The following CDC14C variants were observed in gnomAD, a reference collection of about 807,000 sequenced individuals.
The protein encoded by CDC14C is dual specificity protein phosphatase CDC14C.
CDC14C carries 19 observed loss-of-function variants against 26.9 expected under a neutral mutation model. That is an observed-to-expected ratio of 0.71 (90% CI 0.49 to 1.04). CDC14C has a LOEUF of 1.04. Ranked by LOEUF, CDC14C falls within the 50% of genes least tolerant of loss-of-function variation. The pLI is 0.00. For missense variants in CDC14C, 423 were observed against 520.0 expected, an observed-to-expected ratio of 0.81 and a Z score of 1.81; for synonymous variants, 185 against 180.1, an observed-to-expected ratio of 1.03 and a Z score of -0.22.
rs886409989 is a variant in CDC14C at position 48,926,595 on chromosome 7, G to A, written c.*579G>A. On this transcript the variant is annotated 3_prime_UTR_variant, in exon 1 of 1. Transcript: ENST00000650262. ...GGAGCACGTCCTTAAGGCACAGATG[G>A]CTCATGCTATTGTTTGTGGCTTAAG... Among the ~76,000 whole-genome samples the A allele has an allele frequency of 7.2e-5, 11 of 152,118 alleles. No homozygotes were observed. The highest frequency in any genetic ancestry group is 2.4e-4 in the African/African-American group (10 of 41,426).
Position 48,926,731 on chromosome 7 carries a change from G to T in CDC14C, c.*715G>T, listed in dbSNP as rs1455191693. Among the ~76,000 whole-genome samples, 1 of 151,978 alleles carries T rather than the reference G, an allele frequency of 6.6e-6. No individual in the cohort carries two copies. Among genetic ancestry groups the T allele is most frequent in the Non-Finnish European group, 1.5e-5 (1 of 68,026 alleles). ...TGGGCATTAGGGCCATTATGAACAT[G>T]TTACAGTGCTGCAGAGATTTTATTT... On this transcript the variant is annotated 3_prime_UTR_variant, in exon 1 of 1. Coordinates refer to ENST00000650262, the MANE Select transcript of CDC14C (RefSeq NM_152627.3).
rs1798846455 is a variant in CDC14C at position 48,924,555 on chromosome 7, T to C, written c.-118T>C. 7 of 664,308 alleles carry C rather than the reference T, an allele frequency of 1.1e-5. No individual in the cohort carries two copies. The East Asian group carries it at 1.4e-4, about 13-fold the overall frequency. 41.2% of individuals were successfully genotyped at this position (664,308 alleles called of 1,614,324 possible). On this transcript the variant is annotated 5_prime_UTR_variant, in exon 1 of 1. Transcript: ENST00000650262. ...GCGGCGCGCGCGGGGCCGTGGTCGT[T>C]GCTCCCTGACTGGCCGCGGCGGCCT... is the stretch of plus-strand genomic sequence containing the variant.
In CDC14C at chr7:48,925,137, A is replaced by C. The variant is rs762491927; in HGVS notation, c.465A>C (p.Ala155=). 8.4e-6 allele frequency: 13 copies of C among 1,541,248 alleles called. No homozygotes were observed. The Admixed American group carries it at 1.5e-4, about 18-fold the overall frequency. Residue 155 remains alanine (A), a synonymous_variant, in exon 1 of 1, where the codon GCA becomes GCC. Coordinates refer to ENST00000650262, the MANE Select transcript of CDC14C (RefSeq NM_152627.3). ...TTACACTTCTTGACTGTTTTCATGC[A>C]GTAAAGAAGGCAATGCAGTATGGCT... is the stretch of plus-strand genomic sequence containing the variant. ...FYITLLDCFH[A]VKKAMQYGFL...
chr7:48,925,440 G>T lies in CDC14C; in HGVS notation c.768G>T (p.Ala256=), dbSNP rs371246223. The change falls in exon 1 of 1, where the codon GCG becomes GCT. Residue 256 remains alanine, a synonymous_variant. Coordinates refer to ENST00000650262, the MANE Select transcript of CDC14C (RefSeq NM_152627.3). ...TCGATCACCATGATCTTTTCTTTGC[G>T]GATGGCAGCACCCCTACTGATGCCA... ...AGFDHHDLFF[A]DGSTPTDAIV... is the part of the protein sequence containing the mutation. 1 of 1,607,432 alleles carries T rather than the reference G, an allele frequency of 6.2e-7. No individual in the cohort carries two copies. The highest frequency in any genetic ancestry group is 8.5e-7 in the Non-Finnish European group (1 of 1,174,906).
Position 48,925,297 on chromosome 7 carries a change from G to T in CDC14C, c.625G>T (p.Gly209Cys). Residue 209 changes from glycine to cysteine, a missense_variant, in exon 1 of 1, where the codon GGT becomes TGT. Physicochemically the swap from Gly to Cys is radical, Grantham distance 159. Coordinates refer to ENST00000650262, the MANE Select transcript of CDC14C (RefSeq NM_152627.3). ...TCATTCAAGAGCCAGACTTGAAAGT[G>T]GTTACCACCAACATTCTCCCGAGAC... ...GPHSRARLESGYHQHSPETYI... is the reference protein window; with the variant it reads ...GPHSRARLESCYHQHSPETYI... The T allele has an allele frequency of 1.2e-6, 2 of 1,604,394 alleles. No individual in the cohort carries two copies. Among genetic ancestry groups the T allele is most frequent in the African/African-American group, 1.3e-5 (1 of 74,844 alleles).
chr7:48,924,694 G>A lies in CDC14C; in HGVS notation c.22G>A (p.Asp8Asn), dbSNP rs778121018. 4.2e-6 allele frequency: 5 copies of A among 1,188,754 alleles called. No homozygotes were observed. Among genetic ancestry groups the A allele is most frequent in the Non-Finnish European group, 5.0e-6 (4 of 792,216 alleles). The allele number at this position is 1,188,754 out of a possible 1,614,324, so 73.6% of individuals were successfully genotyped here. The change falls in exon 1 of 1, where the codon GAC becomes AAC. Residue 8 changes from aspartate (D) to asparagine (N), a missense_variant. By Grantham distance (23) the Asp-to-Asn change is conservative. Around this residue, in one of 3 missense-constraint regions of CDC14C, gnomAD observed 310 missense variants for 356.8 expected, o/e 0.87. Coordinates refer to ENST00000650262, the MANE Select transcript of CDC14C (RefSeq NM_152627.3). ...GAAGATGCGCAGCTCCACGCTGCAG[G>A]ACCCGCGCCGCCGGGACCCCCAGGA... MRSSTLQ[D>N]PRRRDPQDDV...
At position 48,926,132 on chromosome 7, in the gene CDC14C, G is replaced by A. The variant is rs1209741175; in HGVS notation, c.*116G>A. On this transcript the variant is annotated 3_prime_UTR_variant, in exon 1 of 1. Transcript: ENST00000650262. ...GTAAAAACCTGTGACCAGAACTGAAGGAAGACTCTAGGAACTGAAAACTGC... is the reference window on the plus strand; with the variant it reads ...GTAAAAACCTGTGACCAGAACTGAAAGAAGACTCTAGGAACTGAAAACTGC... 4.5e-6 allele frequency: 3 copies of A among 668,804 alleles called. No homozygotes were observed. In the Admixed American group the frequency reaches 6.6e-5, roughly 15 times the overall value. The allele number at this position is 668,804 out of a possible 1,614,324, so 41.4% of individuals were successfully genotyped here. A position where few individuals can be genotyped will look rare whatever the true frequency, so the allele number is the denominator to read the frequency against.
At position 48,924,901 on chromosome 7, in the gene CDC14C, A is replaced by G. The variant is rs1798858789; in HGVS notation, c.229A>G (p.Lys77Glu). ...VYRYCCKINK[K>E]LKSITMLRKK... is the part of the protein sequence containing the mutation. ...CAGATATTGTTGCAAGATAAATAAG[A>G]AATTAAAGTCCATTACAATGTTAAG... The change falls in exon 1 of 1, where the codon AAA (lysine) becomes GAA (glutamate). Residue 77 changes from lysine (K) to glutamate (E), a missense_variant. Lys to Glu is a moderately conservative substitution (Grantham distance 56, BLOSUM62 1). Around this residue, in one of 3 missense-constraint regions of CDC14C, gnomAD observed 310 missense variants for 356.8 expected, o/e 0.87. Transcript: ENST00000650262. 7.0e-7 allele frequency: 1 copy of G among 1,437,970 alleles called. No individual in the cohort carries two copies. The highest frequency in any genetic ancestry group is 9.8e-7 in the Non-Finnish European group (1 of 1,019,004). The allele number at this position is 1,437,970 out of a possible 1,614,324, so 89.1% of individuals were successfully genotyped here.
chr7:48,926,141 T>C lies in CDC14C; in HGVS notation c.*125T>C, dbSNP rs1798885092. The C allele has an allele frequency of 3.2e-6, 2 of 629,724 alleles. No individual in the cohort carries two copies. Among genetic ancestry groups the C allele is most frequent in the African/African-American group, 3.7e-5 (2 of 54,014 alleles). The allele number at this position is 629,724 out of a possible 1,614,324, so 39.0% of individuals were successfully genotyped here. ...TGTGACCAGAACTGAAGGAAGACTCTAGGAACTGAAAACTGCAACAGAAAT... is the reference window on the plus strand; with the variant it reads ...TGTGACCAGAACTGAAGGAAGACTCCAGGAACTGAAAACTGCAACAGAAAT... On this transcript the variant is annotated 3_prime_UTR_variant, in exon 1 of 1. Transcript: ENST00000650262.
rs1798904120 is a variant in CDC14C at position 48,927,142 on chromosome 7, G to A, written c.*1126G>A. 6.6e-6 allele frequency among the ~76,000 whole-genome samples: 1 copy of A among 152,158 alleles called. No individual in the cohort carries two copies. The highest frequency in any genetic ancestry group is 1.5e-5 in the Non-Finnish European group (1 of 68,040). ...TCTTCACTTGACTGTTTGTAATACT[G>A]TAGTAATATTAACTCTGATAAGTAC... On this transcript the variant is annotated 3_prime_UTR_variant, in exon 1 of 1. Transcript: ENST00000650262.
Position 48,926,209 on chromosome 7 carries a change from T to G in CDC14C, c.*193T>G, listed in dbSNP as rs1322858206. On this transcript the variant is annotated 3_prime_UTR_variant, in exon 1 of 1. Coordinates refer to ENST00000650262, the MANE Select transcript of CDC14C (RefSeq NM_152627.3). ...AAAACAAAATTGCAAAAGACTTAGT[T>G]GCTTTCCACCTAAGAAGCTAATCAA... 7.7e-6 allele frequency among the ~76,000 whole-genome samples: 1 copy of G among 129,764 alleles called. No homozygotes were observed. The highest frequency in any genetic ancestry group is 1.7e-5 in the Non-Finnish European group (1 of 59,848). 85.1% of individuals were successfully genotyped at this position (129,764 alleles called of 152,430 possible).
rs1798894039 is a variant in CDC14C, at chr7:48,926,584, AG to A, written c.*570del. Among the ~76,000 whole-genome samples the A allele has an allele frequency of 6.6e-6, 1 of 152,146 alleles. No individual in the cohort carries two copies. Among genetic ancestry groups the A allele is most frequent in the African/African-American group, 2.4e-5 (1 of 41,450 alleles). ...TAACTGCGGCAGGAGCACGTCCTTA[AG>A]GCACAGATGGCTCATGCTATTGTTT... On this transcript the variant is annotated 3_prime_UTR_variant, in exon 1 of 1. Transcript: ENST00000650262.
rs756017617 is a variant in CDC14C, at chr7:48,925,009, T to C, written c.337T>C (p.Tyr113His). 6.6e-6 allele frequency: 9 copies of C among 1,372,746 alleles called. No homozygotes were observed. Among genetic ancestry groups the C allele is most frequent in the African/African-American group, 5.7e-5 (4 of 70,260 alleles). 85.0% of individuals were successfully genotyped at this position (1,372,746 alleles called of 1,614,324 possible). The part of the protein sequence containing the change: ...AFLVGCYMVI[Y>H]LGRTPEAAYR... The stretch of plus-strand genomic sequence containing the variant: ...CCTTGTTGGATGCTACATGGTTATA[T>C]ACTTGGGGAGAACCCCAGAAGCAGC... Residue 113 changes from tyrosine to histidine, a missense_variant, in exon 1 of 1, where the codon TAC becomes CAC. By Grantham distance (83) the Tyr-to-His change is moderately conservative. This residue lies in a region of CDC14C where 310 missense variants were observed against 356.8 expected (regional missense o/e 0.87). Transcript: ENST00000650262.
In CDC14C at chr7:48,924,765, C is replaced by T. The variant is rs777631398; in HGVS notation, c.93C>T (p.Leu31=). Reference sequence around the variant, plus strand: ...CCGATCGCCTTCGTTTTGCCATTCTCTACAGCAGACCAAAGAGTGCATCAA... The same window carrying T: ...CCGATCGCCTTCGTTTTGCCATTCTTTACAGCAGACCAAAGAGTGCATCAA... The part of the protein sequence containing the change: ...DITDRLRFAI[L]YSRPKSASNV... Residue 31 remains leucine, a synonymous_variant, in exon 1 of 1, where the codon CTC becomes CTT. Transcript: ENST00000650262. The T allele has an allele frequency of 7.0e-7, 1 of 1,432,354 alleles. No homozygotes were observed. The highest frequency in any genetic ancestry group is 2.3e-5 in the East Asian group (1 of 44,058). The allele number at this position is 1,432,354 out of a possible 1,614,324, so 88.7% of individuals were successfully genotyped here.
rs776898432 is a variant in CDC14C, at chr7:48,924,812, A to T, written c.140A>T (p.Asp47Val). 2 of 1,342,226 alleles carry T rather than the reference A, an allele frequency of 1.5e-6. No homozygotes were observed. Among genetic ancestry groups the T allele is most frequent in the Admixed American group, 3.4e-5 (2 of 59,678 alleles). 83.1% of individuals were successfully genotyped at this position (1,342,226 alleles called of 1,614,324 possible). A position where few individuals can be genotyped will look rare whatever the true frequency, so the allele number is the denominator to read the frequency against. ...SASNVHYFSI[D>V]NELEYENFSE... Reference sequence around the variant, plus strand: ...TCAAATGTACATTATTTCAGCATAGATAATGAACTCGAATATGAGAACTTC... The same window carrying T: ...TCAAATGTACATTATTTCAGCATAGTTAATGAACTCGAATATGAGAACTTC... Residue 47 changes from aspartate (D) to valine (V), a missense_variant, in exon 1 of 1, where the codon GAT becomes GTT. Physicochemically the swap from Asp to Val is radical, Grantham distance 152. Around this residue, in one of 3 missense-constraint regions of CDC14C, gnomAD observed 310 missense variants for 356.8 expected, o/e 0.87. Transcript: ENST00000650262.
rs1467403295 is a variant in CDC14C at position 48,924,862 on chromosome 7, C to T, written c.190C>T (p.Leu64=). 6.8e-7 allele frequency: 1 copy of T among 1,462,628 alleles called. No individual in the cohort carries two copies. The highest frequency in any genetic ancestry group is 9.6e-7 in the Non-Finnish European group (1 of 1,041,940). 90.6% of individuals were successfully genotyped at this position (1,462,628 alleles called of 1,614,324 possible). Reference sequence around the variant, plus strand: ...CTCCGAAGACTTTGGACCACTCAATCTGGCAATGGTTTACAGATATTGTTG... The same window carrying T: ...CTCCGAAGACTTTGGACCACTCAATTTGGCAATGGTTTACAGATATTGTTG... ...NFSEDFGPLN[L]AMVYRYCCKI... The change falls in exon 1 of 1, where the codon CTG becomes TTG. Residue 64 remains leucine, a synonymous_variant. Transcript: ENST00000650262.
rs1184443388 is a variant in CDC14C, at chr7:48,926,634, A to G, written c.*618A>G. On this transcript the variant is annotated 3_prime_UTR_variant, in exon 1 of 1. Transcript: ENST00000650262. ...TTGTGGCTTAAGAATGCCTTTAAGCAGTTTTCCACTCTGGGCTGGGTGGGC... is the reference window on the plus strand; with the variant it reads ...TTGTGGCTTAAGAATGCCTTTAAGCGGTTTTCCACTCTGGGCTGGGTGGGC... Among the ~76,000 whole-genome samples the G allele has an allele frequency of 4.6e-5, 7 of 151,868 alleles. No homozygotes were observed. The highest frequency in any genetic ancestry group is 8.8e-5 in the Non-Finnish European group (6 of 67,898).
chr7:48,924,921 G>C lies in CDC14C; in HGVS notation c.249G>C (p.Met83Ile). The C allele has an allele frequency of 7.0e-7, 1 of 1,435,408 alleles. No homozygotes were observed. Among genetic ancestry groups the C allele is most frequent in the Non-Finnish European group, 9.8e-7 (1 of 1,016,796 alleles). The allele number at this position is 1,435,408 out of a possible 1,614,324, so 88.9% of individuals were successfully genotyped here. A position where few individuals can be genotyped will look rare whatever the true frequency, so the allele number is the denominator to read the frequency against. The change falls in exon 1 of 1, where the codon ATG becomes ATC. Residue 83 changes from methionine to isoleucine, a missense_variant. Physicochemically the swap from Met to Ile is conservative, Grantham distance 10. This residue lies in a region of CDC14C where 310 missense variants were observed against 356.8 expected (regional missense o/e 0.87). Coordinates refer to ENST00000650262, the MANE Select transcript of CDC14C (RefSeq NM_152627.3). ...ATAAGAAATTAAAGTCCATTACAAT[G>C]TTAAGGAAGAAAATTGTTCATTTTA... ...KINKKLKSITMLRKKIVHFTG... is the reference protein window; with the variant it reads ...KINKKLKSITILRKKIVHFTG...
chr7:48,925,294 A>G lies in CDC14C; in HGVS notation c.622A>G (p.Ser208Gly), dbSNP rs773254566. The G allele has an allele frequency of 2.5e-6, 4 of 1,604,542 alleles. No individual in the cohort carries two copies. The East Asian group carries it at 8.9e-5, about 36-fold the overall frequency. Reference protein sequence around the residue: ...CGPHSRARLESGYHQHSPETY... With the variant: ...CGPHSRARLEGGYHQHSPETY... Reference sequence around the variant, plus strand: ...ACCTCATTCAAGAGCCAGACTTGAAAGTGGTTACCACCAACATTCTCCCGA... The same window carrying G: ...ACCTCATTCAAGAGCCAGACTTGAAGGTGGTTACCACCAACATTCTCCCGA... Residue 208 changes from serine (S) to glycine (G), a missense_variant, in exon 1 of 1, where the codon AGT (serine) becomes GGT (glycine). Coordinates refer to ENST00000650262, the MANE Select transcript of CDC14C (RefSeq NM_152627.3).
Sources: gnomAD v4.1 joint callset for allele counts (sites outside exome capture counted in the v4.1 genomes callset) on GRCh38, gnomAD v4.1.1 for gene constraint, gnomAD v4.1.1 regional missense constraint, MANE v1.5 for transcripts, NCBI Gene and HGNC (gene_info 2026-07-23, HGNC 2026-07-21) for gene names.